The following NCOR1 variants were observed in gnomAD, a reference collection of about 807,000 sequenced individuals.
NCOR1 encodes the protein protein phosphatase 1, regulatory subunit 109.
A neutral mutation model predicts 288.1 loss-of-function variants in NCOR1; 63 were observed. That is an observed-to-expected ratio of 0.22 (90% CI 0.18 to 0.27). NCOR1 has a LOEUF of 0.27. Among genes scored for constraint, NCOR1 ranks in the 10% least tolerant of loss-of-function variants. The probability of loss-of-function intolerance (pLI) is 1.00; values close to 1 mark genes in which losing one functional copy is unlikely to be tolerated. For missense variants in NCOR1, 2,397 were observed against 3,019.2 expected (o/e 0.79, Z 4.83); for synonymous variants, 1,007 against 1,065.9 (o/e 0.94, Z 1.08).
intron 14 of NCOR1, among the ~76,000 whole-genome samples, chr17:16,135,175 A>C (rs972119624): frequency 1.3e-5 from 2 of 151,534 alleles, no homozygotes; most frequent in Non-Finnish European, 2.9e-5. Flanking sequence ...AAAAAAAAAA[A>C]AAAAAAACTG....
At chr17:16,132,259 AT>A (rs1253099147) in intron 14 of NCOR1, among the ~76,000 whole-genome samples, 11 of 152,246 alleles carry the variant, frequency 7.2e-5, no homozygotes, top group African/African-American at 2.7e-4. Flanking sequence ...GGTTTCTAAC[AT>A]GACTTGCTTT....
intron 44 of NCOR1, among the ~76,000 whole-genome samples, chr17:16,037,698 C>T (rs1156878096): frequency 6.6e-6 from 1 of 152,216 alleles, no homozygotes; most frequent in East Asian, 1.9e-4. Flanking sequence ...AAAGGAAAAA[C>T]TGCAGAACAA....
At chr17:16,111,372 C>T (rs914891844) in intron 18 of NCOR1, among the ~76,000 whole-genome samples, 5 of 152,094 alleles carry the variant, frequency 3.3e-5, no homozygotes, top group South Asian at 2.1e-4. Context: ...GAGGCCAAGG[C>T]GGGCAGATAA....
chr17:16,035,534 T>C (rs1974248719), intron 44 of NCOR1, among the ~76,000 whole-genome samples: 1 of 148,702 alleles, frequency 6.7e-6, no homozygotes, highest in Non-Finnish European at 1.5e-5. Flanking sequence ...CTTGTTCTTT[T>C]TTTTTTTTTT....
intron 14 of NCOR1, among the ~76,000 whole-genome samples, chr17:16,136,376 C>T (rs2076395186): frequency 6.6e-6 from 1 of 152,120 alleles, no homozygotes; most frequent in Non-Finnish European, 1.5e-5. Context: ...TTTGTAAAGA[C>T]AGGATGGGTC....
chr17:16,073,878 G>A (rs1377351810), intron 27 of NCOR1, among the ~76,000 whole-genome samples: 1 of 152,188 alleles, frequency 6.6e-6, no homozygotes, highest in Non-Finnish European at 1.5e-5. Flanking sequence ...GAAAGGAGAA[G>A]TATAATGTGC....
At chr17:16,116,197 C>T (rs906416455) in intron 18 of NCOR1, among the ~76,000 whole-genome samples, 4 of 152,156 alleles carry the variant, frequency 2.6e-5, no homozygotes, top group African/African-American at 9.7e-5. Flanking sequence ...CAATTATCTC[C>T]CACTGAGTCC....
intron 42 of NCOR1, among the ~76,000 whole-genome samples, chr17:16,041,918 A>G (rs980451159): frequency 2.6e-5 from 4 of 151,884 alleles, no homozygotes; most frequent in African/African-American, 9.7e-5. Flanking sequence ...TTACATTTTT[A>G]GTAGAGATGG....
chr17:16,092,679 ATATATATATATATATATTTT>A (rs2065512750), intron 21 of NCOR1, among the ~76,000 whole-genome samples: 4 of 18,678 alleles, frequency 2.1e-4, no homozygotes, highest in East Asian at 2.9e-3. Flanking sequence ...ATATATATAT[ATATATATATATATATATTTT>A]TTTTTTTTTT....
At chr17:16,145,740 C>G (rs1382681836) in intron 10 of NCOR1, among the ~76,000 whole-genome samples, 1 of 152,068 alleles carries the variant, frequency 6.6e-6, no homozygotes, top group Non-Finnish European at 1.5e-5. Context: ...CCCAGTCAGC[C>G]GCCCCATCCG....
chr17:16,086,357 G>A lies in NCOR1; in HGVS notation c.3102C>T (p.Pro1034=), dbSNP rs2152863098. 1 of 1,614,094 alleles carries A rather than the reference G, an allele frequency of 6.2e-7. No homozygotes were observed. Among genetic ancestry groups the A allele is most frequent in the Non-Finnish European group, 8.5e-7 (1 of 1,179,968 alleles). The part of the protein sequence containing the change: ...LPTTRPTRPP[P]PLIPSSKTTV... ...TGGTTTTGGATGACGGGATGAGAGGGGGCGGTGGCCTGGTTGGTCGAGTTG... is the reference window on the plus strand; with the variant it reads ...TGGTTTTGGATGACGGGATGAGAGGAGGCGGTGGCCTGGTTGGTCGAGTTG... Residue 1034 remains proline, a synonymous_variant, in exon 23 of 46, where the codon CCC becomes CCT. Transcript: ENST00000268712.
intron 21 of NCOR1, among the ~76,000 whole-genome samples, chr17:16,097,619 C>T (rs538022335): frequency 3.0e-4 from 46 of 152,348 alleles, no homozygotes; most frequent in African/African-American, 9.9e-4. Flanking sequence ...AGAAGCTCCA[C>T]ACCCCTTCTG....
chr17:16,086,158 G>C lies in NCOR1; in HGVS notation c.3177+124C>G. ...CTGCATCTTCTGGTCATTATCTCTT[G>C]AAACTTCATATTCAGACAGATTATT... On this transcript the variant is annotated intron_variant, in intron 23 of 45. Coordinates refer to ENST00000268712, the MANE Select transcript of NCOR1 (RefSeq NM_006311.4). 1.8e-6 allele frequency: 2 copies of C among 1,124,726 alleles called. 1 individual carries two copies. The highest frequency in any genetic ancestry group is 3.0e-5 in the South Asian group (2 of 66,374). The allele number at this position is 1,124,726 out of a possible 1,614,324, so 69.7% of individuals were successfully genotyped here.
In NCOR1 at chr17:16,152,065, A is replaced by G. The variant is rs191299910; in HGVS notation, c.790-67T>C. 26 of 1,104,110 alleles carry G rather than the reference A, an allele frequency of 2.4e-5. No individual in the cohort carries two copies. In the African/African-American group the frequency reaches 3.6e-4, roughly 15 times the overall value. 68.4% of individuals were successfully genotyped at this position (1,104,110 alleles called of 1,614,324 possible). ...TATGTCTATGAAGAGACAAAGAAAC[A>G]TAATTTTAATGTAAGCACAGGTAAA... is the stretch of plus-strand genomic sequence containing the variant. On this transcript the variant is annotated intron_variant, in intron 7 of 45. Coordinates refer to ENST00000268712, the MANE Select transcript of NCOR1 (RefSeq NM_006311.4).
intron 7 of NCOR1, 95 bp from the exon 8 acceptor site, chr17:16,152,093 A>G: frequency 1.4e-6 from 1 of 702,828 alleles, no homozygotes. Context: ...CAGGTAAAGT[A>G]CTAATGGATC....
In NCOR1 at chr17:16,068,141, G is replaced by A. The variant is rs896635167; in HGVS notation, c.4514-20C>T. 2.6e-6 allele frequency: 4 copies of A among 1,552,078 alleles called. No homozygotes were observed. In the African/African-American group the frequency reaches 5.4e-5, roughly 21 times the overall value. The stretch of plus-strand genomic sequence containing the variant: ...TTGTAACTGGAAAAAAAGAGCCAAT[G>A]CCACAAGTTCTTAAGAAACTTGCAA... On this transcript the variant is annotated intron_variant, in intron 31 of 45. Coordinates refer to ENST00000268712, the MANE Select transcript of NCOR1 (RefSeq NM_006311.4).
chr17:16,094,156 G>A (rs771619484), intron 21 of NCOR1, among the ~76,000 whole-genome samples: 1 of 151,824 alleles, frequency 6.6e-6, no homozygotes, highest in South Asian at 2.1e-4. Flanking sequence ...CACCCACCTC[G>A]GCCTCCCAAA....
intron 37 of NCOR1, 118 bp from the exon 38 acceptor site, chr17:16,058,717 G>C: frequency 9.6e-7 from 1 of 1,038,308 alleles, no homozygotes; most frequent in Non-Finnish European, 1.4e-6. Context: ...AGGTATTCCA[G>C]GTTAATGAGG....
At chr17:16,048,748 G>T in intron 41 of NCOR1, 97 bp downstream of exon 41, 1 of 1,334,402 alleles carries the variant, frequency 7.5e-7, no homozygotes, top group Non-Finnish European at 9.8e-7. Flanking sequence ...AGACATAAAA[G>T]CCCAAAGTTC....
Sources: allele counts gnomAD v4.1 joint callset (sites outside exome capture counted in the v4.1 genomes callset), GRCh38; gene constraint gnomAD v4.1.1; transcripts MANE v1.5; gene names NCBI Gene and HGNC (gene_info 2026-07-23, HGNC 2026-07-21).